PYM1: variants seen among roughly 807,000 people sequenced by gnomAD.
The protein encoded by PYM1 is partner of Y14 and mago.
A neutral mutation model predicts 20.7 loss-of-function variants in PYM1; 7 were observed. The observed-to-expected ratio is 0.34, with a 90% CI of 0.19 to 0.64. PYM1 has a LOEUF of 0.64. Among genes scored for constraint, PYM1 ranks in the 30% least tolerant of loss-of-function variants. The pLI is 0.74. For synonymous variants in PYM1, 100 were observed against 99.2 expected (o/e 1.01, Z -0.05); for missense variants, 194 against 250.0 (o/e 0.78, Z 1.51).
chr12:55,913,228 T>C (rs983753646), intron 1 of PYM1, among the ~76,000 whole-genome samples: 1 of 152,232 alleles, frequency 6.6e-6, no homozygotes, highest in African/African-American at 2.4e-5. Context: ...CATGCTCTAA[T>C]GCTTAACATA....
Position 55,905,630 on chromosome 12 carries a change from G to A in PYM1, c.38-2150C>T, listed in dbSNP as rs892521387. 6.0e-5 allele frequency among the ~76,000 whole-genome samples: 9 copies of A among 148,854 alleles called. 1 individual carries two copies. Among genetic ancestry groups the A allele is most frequent in the East Asian group, 2.0e-4 (1 of 5,002 alleles). ...GGCAGGGAGAACTGCTTGAACCCAC[G>A]AGGCGGAGGTTGCAGTGAGTGGAGA... On this transcript the variant is annotated intron_variant, in intron 1 of 2. Coordinates refer to ENST00000408946, the MANE Select transcript of PYM1 (RefSeq NM_032345.3).
intron 1 of PYM1, 111 bp downstream of exon 1, chr12:55,927,614 A>G: frequency 7.2e-7 from 1 of 1,391,276 alleles, no homozygotes; most frequent in Non-Finnish European, 9.8e-7. Flanking sequence ...ATCTAACCCT[A>G]AGAAGGTGGG....
At chr12:55,905,635 G>A (rs945901251) in intron 1 of PYM1, among the ~76,000 whole-genome samples, 37 of 148,328 alleles carry the variant, frequency 2.5e-4, no homozygotes, top group African/African-American at 4.5e-4. Flanking sequence ...CCCACGAGGC[G>A]GAGGTTGCAG....
At chr12:55,921,992 GCTCC>G (rs1883105308) in intron 1 of PYM1, among the ~76,000 whole-genome samples, 5 of 152,048 alleles carry the variant, frequency 3.3e-5, no homozygotes, top group Non-Finnish European at 7.4e-5. Context: ...CCCCTCTGAG[GCTCC>G]CTGAGTAGCT....
intron 1 of PYM1, chr12:55,927,156 C>T (rs1883208408): frequency 6.4e-7 from 1 of 1,551,062 alleles, no homozygotes; most frequent in African/African-American, 1.4e-5. Context: ...GGGGTCCCGC[C>T]CCCCTCCCCA....
intron 1 of PYM1, chr12:55,927,313 G>A: frequency 2.5e-6 from 2 of 816,216 alleles, no homozygotes; most frequent in Non-Finnish European, 4.1e-6. Context: ...TACTGCCACC[G>A]ATACCATTAC....
chr12:55,902,095 G>A lies in PYM1; in HGVS notation c.392C>T (p.Ser131Phe), dbSNP rs766046784. 1.2e-6 allele frequency: 2 copies of A among 1,613,980 alleles called. No homozygotes were observed. Among genetic ancestry groups the A allele is most frequent in the African/African-American group, 2.7e-5 (2 of 74,904 alleles). ...AGATGCAGCTGTGGGGGCTGCCCGA[G>A]AGCCCTGTGGAGCACTGGGGAGTTG... Reference protein sequence around the residue: ...TAQLPSAPQGSRAAPTAASDQ... With the variant: ...TAQLPSAPQGFRAAPTAASDQ... The change falls in exon 3 of 3, where the codon TCT (serine) becomes TTT (phenylalanine). Residue 131 changes from serine to phenylalanine, a missense_variant. Around this residue, in one of 3 missense-constraint regions of PYM1, gnomAD observed 158 missense variants for 179.0 expected, o/e 0.88. Coordinates refer to ENST00000408946, the MANE Select transcript of PYM1 (RefSeq NM_032345.3).
At chr12:55,919,534 C>A (rs780241062) in intron 1 of PYM1, among the ~76,000 whole-genome samples, 3 of 152,108 alleles carry the variant, frequency 2.0e-5, no homozygotes, top group Non-Finnish European at 4.4e-5. Flanking sequence ...AAAATAACAG[C>A]CAATCTTAAC....
At chr12:55,923,656 C>G (rs1883138653) in intron 1 of PYM1, among the ~76,000 whole-genome samples, 1 of 151,616 alleles carries the variant, frequency 6.6e-6, no homozygotes, top group Non-Finnish European at 1.5e-5. Context: ...AAGCAAAGTA[C>G]TATATTAACG....
intron 1 of PYM1, among the ~76,000 whole-genome samples, chr12:55,907,391 G>A (rs1882838918): frequency 6.8e-6 from 1 of 146,194 alleles, no homozygotes. Flanking sequence ...CTGAACTCAG[G>A]AGTTCAAAAC....
chr12:55,903,636 CT>C (rs775094522), intron 1 of PYM1, among the ~76,000 whole-genome samples, 156 bp from the exon 2 acceptor site: 64 of 152,144 alleles, frequency 4.2e-4, no homozygotes, highest in Non-Finnish European at 1.0e-4. Context: ...CAATCCCTCT[CT>C]CATTATTTAT....
At chr12:55,927,260 T>A in intron 1 of PYM1, 2 of 1,118,834 alleles carry the variant, frequency 1.8e-6, no homozygotes, top group South Asian at 1.3e-5. Context: ...GGAGGAAGAG[T>A]GGAGAAGCTG....
intron 1 of PYM1, among the ~76,000 whole-genome samples, chr12:55,910,625 G>A (rs532222044): frequency 1.3e-5 from 2 of 152,174 alleles, no homozygotes; most frequent in South Asian, 2.1e-4. Context: ...TGTATTTTTA[G>A]TAGAGACAGG....
At chr12:55,916,073 G>A (rs927750052) in intron 1 of PYM1, among the ~76,000 whole-genome samples, 1 of 152,224 alleles carries the variant, frequency 6.6e-6, no homozygotes, top group African/African-American at 2.4e-5. Flanking sequence ...GGTGGCTCAC[G>A]CCTGTAATCC....
chr12:55,905,032 C>G (rs1035587490), intron 1 of PYM1, among the ~76,000 whole-genome samples: 2 of 151,402 alleles, frequency 1.3e-5, no homozygotes, highest in African/African-American at 4.8e-5. Context: ...GACAGAGTCT[C>G]GCTCTGTCGC....
chr12:55,914,373 A>G (rs1565716848), intron 1 of PYM1: 1 of 702,320 alleles, frequency 1.4e-6, no homozygotes, highest in Non-Finnish European at 2.6e-6. Context: ...ACCCCTAGAA[A>G]TAAAAACCAA....
At chr12:55,925,087 C>T (rs998274536) in intron 1 of PYM1, among the ~76,000 whole-genome samples, 19 of 152,212 alleles carry the variant, frequency 1.2e-4, no homozygotes, top group African/African-American at 4.6e-4. Context: ...TAGCAACATG[C>T]TGTGGCCTAG....
intron 1 of PYM1, chr12:55,913,850 C>T (rs1882963687): frequency 6.5e-6 from 1 of 153,854 alleles, no homozygotes; most frequent in African/African-American, 2.4e-5. Flanking sequence ...TTATTGAGCA[C>T]TTACTCTTGT....
At chr12:55,926,750 G>C (rs867070716) in intron 1 of PYM1, among the ~76,000 whole-genome samples, 5 of 152,286 alleles carry the variant, frequency 3.3e-5, no homozygotes, top group Middle Eastern at 3.4e-3. Flanking sequence ...AGGGAAATGA[G>C]AGTGTAGAAG....
Sources: gnomAD v4.1 joint callset for allele counts (sites outside exome capture counted in the v4.1 genomes callset) on GRCh38, gnomAD v4.1.1 for gene constraint, gnomAD v4.1.1 regional missense constraint, MANE v1.5 for transcripts, NCBI Gene and HGNC (gene_info 2026-07-23, HGNC 2026-07-21) for gene names.